C19orf47: variants seen among roughly 807,000 people sequenced by gnomAD.
C19orf47 encodes chromosome 19 open reading frame 47, also known as uncharacterized protein C19orf47.
In C19orf47, 18 loss-of-function variants were observed where a neutral mutation model predicts 32.3. The observed-to-expected ratio is 0.56, with a 90% CI of 0.39 to 0.83. The LOEUF (loss-of-function observed/expected upper bound fraction) is 0.83, where lower values mean the gene tolerates loss of function less well. Ranked by LOEUF, C19orf47 falls within the 40% of genes least tolerant of loss-of-function variation. C19orf47 has a pLI of 0.00. For missense variants in C19orf47, 484 were observed against 531.6 expected (o/e 0.91, Z 0.88); for synonymous variants, 202 against 211.1 (o/e 0.96, Z 0.37).
chr19:40,316,799 T>C (rs923628923), downstream of C19orf47, among the ~76,000 whole-genome samples: 15 of 152,142 alleles, frequency 9.9e-5, no homozygotes, highest in African/African-American at 2.9e-4. Context: ...ATTGATCCCA[T>C]GTGTAAGGAA....
chr19:40,317,796 G>A (rs889193556), downstream of C19orf47, among the ~76,000 whole-genome samples: 1 of 149,660 alleles, frequency 6.7e-6, no homozygotes, highest in South Asian at 2.1e-4. Context: ...CTCTGCTCAC[G>A]GCAACCTCCG....
At chr19:40,329,425 G>C (rs1046335447) in intron 5 of C19orf47, among the ~76,000 whole-genome samples, 3 of 152,128 alleles carry the variant, frequency 2.0e-5, no homozygotes, top group African/African-American at 7.2e-5. Flanking sequence ...AGAATCACTT[G>C]AGCCCAGGAG....
chr19:40,340,798 G>A (rs1046807525), intron 2 of C19orf47, among the ~76,000 whole-genome samples: 6 of 151,752 alleles, frequency 4.0e-5, no homozygotes, highest in Non-Finnish European at 7.4e-5. Context: ...AGGCAACATG[G>A]TGAAACCCCA....
chr19:40,321,923 T>C lies in C19orf47; in HGVS notation c.1117A>G (p.Thr373Ala), dbSNP rs2077725820. ...GLGAQMDHAG[T>A]VSVFKRLGRR... is the part of the protein sequence containing the mutation. ...CCCAGTCTTTTGAACACGCTCACAG[T>C]GCCCGCGTGGTCCATCTGGGCACCA... Residue 373 changes from threonine to alanine, a missense_variant, in exon 9 of 9, where the codon ACT becomes GCT. Coordinates refer to ENST00000683109, the MANE Select transcript of C19orf47 (RefSeq NM_001256441.2). 6.2e-7 allele frequency: 1 copy of C among 1,612,874 alleles called. No individual in the cohort carries two copies. The highest frequency in any genetic ancestry group is 2.2e-5 in the East Asian group (1 of 44,868).
rs1191949427 is a variant in C19orf47 at position 40,322,099 on chromosome 19, C to T, written c.941G>A (p.Ser314Asn). 1.1e-5 allele frequency: 18 copies of T among 1,614,078 alleles called. No homozygotes were observed. The highest frequency in any genetic ancestry group is 1.5e-5 in the Non-Finnish European group (18 of 1,180,042). Residue 314 changes from serine (S) to asparagine (N), a missense_variant, in exon 9 of 9, where the codon AGC (serine) becomes AAC (asparagine). By Grantham distance (46) the Ser-to-Asn change is conservative. Coordinates refer to ENST00000683109, the MANE Select transcript of C19orf47 (RefSeq NM_001256441.2). ...AGCTGCGCCCAGTCTCTTGATGATG[C>T]TGACTTTAGACAAGGACTCCGGCTT... is the stretch of plus-strand genomic sequence containing the variant. ...ERKPESLSKV[S>N]IIKRLGAAAL...
At chr19:40,315,701 ACCCG>A (rs2077657384), downstream of C19orf47, among the ~76,000 whole-genome samples, 1 of 150,002 alleles carries the variant, frequency 6.7e-6, no homozygotes, top group African/African-American at 2.5e-5. Context: ...AATTGCTTGA[ACCCG>A]GCAGACGCAG....
At position 40,322,276 on chromosome 19, in the gene C19orf47, G is replaced by T; in HGVS notation, c.764C>A (p.Ala255Asp). The change falls in exon 9 of 9, where the codon GCC becomes GAC. Residue 255 changes from alanine (A) to aspartate (D), a missense_variant. By Grantham distance (126) the Ala-to-Asp change is moderately radical. Coordinates refer to ENST00000683109, the MANE Select transcript of C19orf47 (RefSeq NM_001256441.2). Reference protein sequence around the residue: ...NDSSSSVLQYAGVLKKLGRGP... With the variant: ...NDSSSSVLQYDGVLKKLGRGP... The stretch of plus-strand genomic sequence containing the variant: ...CCGTCCTAGCTTCTTCAGGACCCCG[G>T]CATACTGCAAGACAGAGCTGCTGCT... 1 of 1,608,908 alleles carries T rather than the reference G, an allele frequency of 6.2e-7. No homozygotes were observed.
chr19:40,294,612 C>T, the C19orf47 span, among the ~76,000 whole-genome samples: 2 of 152,200 alleles, frequency 1.3e-5, no homozygotes, highest in Non-Finnish European at 2.9e-5. Context: ...TCTGTTCAGA[C>T]TAATTTTGCT....
chr19:40,309,850 C>A, the C19orf47 span, among the ~76,000 whole-genome samples: 12 of 152,090 alleles, frequency 7.9e-5, no homozygotes, highest in African/African-American at 2.4e-5. Context: ...CAACTATAAT[C>A]AAAAAGTCAG....
At chr19:40,337,821 CGAG>C (rs2078095640) in intron 2 of C19orf47, among the ~76,000 whole-genome samples, 1 of 151,958 alleles carries the variant, frequency 6.6e-6, no homozygotes. Context: ...CTGAGGCTGG[CGAG>C]GAGCTCATGT....
At chr19:40,323,909 G>A (rs1042318511) in intron 8 of C19orf47, 97 bp downstream of exon 8, 2 of 1,476,054 alleles carry the variant, frequency 1.4e-6, no homozygotes, top group Non-Finnish European at 1.9e-6. Flanking sequence ...AGACGGCCCT[G>A]GGCCGAGTGA....
chr19:40,317,728 G>GTTTTTTTTTTT (rs760108426), downstream of C19orf47, among the ~76,000 whole-genome samples: 21 of 143,086 alleles, frequency 1.5e-4, no homozygotes, highest in African/African-American at 4.8e-4. Flanking sequence ...TTTTTTTTTT[G>GTTTTTTTTTTT]TTTTTTTTTT....
At chr19:40,341,083 C>A (rs1449150732) in intron 2 of C19orf47, among the ~76,000 whole-genome samples, 1 of 151,960 alleles carries the variant, frequency 6.6e-6, no homozygotes, top group South Asian at 2.1e-4. Context: ...CCTGTAATCC[C>A]AGCACTTAGG....
chr19:40,295,125 G>A, the C19orf47 span, among the ~76,000 whole-genome samples: 1 of 152,036 alleles, frequency 6.6e-6, no homozygotes, highest in Non-Finnish European at 1.5e-5. Flanking sequence ...GGGTTCAAAT[G>A]ATTCTCCTGC....
the C19orf47 span, among the ~76,000 whole-genome samples, chr19:40,313,080 A>T: frequency 6.6e-6 from 1 of 152,156 alleles, no homozygotes; most frequent in Non-Finnish European, 1.5e-5. Flanking sequence ...AAAGTGTGTC[A>T]CCTTCAACTT....
chr19:40,348,353 C>A lies in C19orf47; in HGVS notation c.-63G>T, dbSNP rs2145643483. Reference sequence around the variant, plus strand: ...CCCACCGGGCCCGCGCCCACTCGCGCCGCCCGCCCTCCCTCCCGGCGGCGC... The same window carrying A: ...CCCACCGGGCCCGCGCCCACTCGCGACGCCCGCCCTCCCTCCCGGCGGCGC... On this transcript the variant is annotated 5_prime_UTR_variant, in exon 1 of 9. Transcript: ENST00000683109. The A allele has an allele frequency of 7.2e-7, 1 of 1,386,792 alleles. No homozygotes were observed. The highest frequency in any genetic ancestry group is 3.1e-5 in the East Asian group (1 of 32,282). 85.9% of individuals were successfully genotyped at this position (1,386,792 alleles called of 1,614,324 possible). A position where few individuals can be genotyped will look rare whatever the true frequency, so the allele number is the denominator to read the frequency against.
chr19:40,323,268 C>T (rs377235986), intron 8 of C19orf47, among the ~76,000 whole-genome samples: 12 of 152,366 alleles, frequency 7.9e-5, no homozygotes, highest in African/African-American at 2.2e-4. Context: ...CACCAACAGG[C>T]GCCGCACACC....
At chr19:40,296,605 GAAAAGGTACAAT>G in the C19orf47 span, among the ~76,000 whole-genome samples, 2 of 151,980 alleles carry the variant, frequency 1.3e-5, no homozygotes, top group Non-Finnish European at 2.9e-5. Context: ...TCTAAACATA[GAAAAGGTACAAT>G]AAAAGATAAA....
At chr19:40,347,121 T>C (rs79121982) in intron 1 of C19orf47, among the ~76,000 whole-genome samples, 60 of 152,260 alleles carry the variant, frequency 3.9e-4, no homozygotes, top group African/African-American at 1.4e-3. Flanking sequence ...TACGTAGTAT[T>C]CCTTTTCAAT....
Sources: allele counts gnomAD v4.1 joint callset (sites outside exome capture counted in the v4.1 genomes callset), GRCh38; gene constraint gnomAD v4.1.1; transcripts MANE v1.5; gene names NCBI Gene and HGNC (gene_info 2026-07-23, HGNC 2026-07-21).